The following ADCK1 variants were observed in gnomAD, a reference collection of about 807,000 sequenced individuals.
ADCK1 encodes the protein aarF domain containing kinase 1.
A neutral mutation model predicts 52.3 loss-of-function variants in ADCK1; 41 were observed. The ratio of observed to expected loss-of-function variants is 0.78; its 90% CI spans 0.61 to 1.02. The LOEUF is 1.02. ADCK1 is among the 50% of genes least tolerant of loss of function. The pLI is 0.00. For synonymous variants in ADCK1, 250 were observed against 274.6 expected (o/e 0.91, Z 0.89); for missense variants, 658 against 679.5 (o/e 0.97, Z 0.35).
At chr14:77,802,060 G>A (rs1778467841) in intron 1 of ADCK1, among the ~76,000 whole-genome samples, 1 of 151,888 alleles carries the variant, frequency 6.6e-6, no homozygotes, top group Non-Finnish European at 1.5e-5. Context: ...TCAGGGCCCA[G>A]CAAGCTGCTT....
At chr14:77,885,339 G>A (rs1240102560) in intron 4 of ADCK1, among the ~76,000 whole-genome samples, 1 of 152,146 alleles carries the variant, frequency 6.6e-6, no homozygotes, top group African/African-American at 2.4e-5. Flanking sequence ...CCAGACACTG[G>A]GAGAGACACA....
intron 3 of ADCK1, among the ~76,000 whole-genome samples, chr14:77,851,054 C>T (rs114608974): frequency 0.055 from 8,304 of 151,954 alleles, 250 homozygotes; most frequent in African/African-American, 0.074. Flanking sequence ...TGCATCAACT[C>T]CGTACATTTA....
chr14:77,863,472 A>G (rs1415558810), intron 4 of ADCK1, among the ~76,000 whole-genome samples: 1 of 152,052 alleles, frequency 6.6e-6, no homozygotes. Flanking sequence ...ACACACGCAC[A>G]CACACACACA....
At chr14:77,827,834 CTTT>C in intron 3 of ADCK1, 13 of 389,438 alleles carry the variant, frequency 3.3e-5, no homozygotes, top group East Asian at 1.7e-4. Flanking sequence ...TTTTAAAAGG[CTTT>C]TTTTTTTTTG....
chr14:77,918,053 G>T (rs1350070899), intron 7 of ADCK1, among the ~76,000 whole-genome samples: 1 of 152,198 alleles, frequency 6.6e-6, no homozygotes, highest in Non-Finnish European at 1.5e-5. Flanking sequence ...GGATGGCAGT[G>T]AGTGCTGAAT....
At chr14:77,907,095 G>A (rs996574955) in intron 6 of ADCK1, among the ~76,000 whole-genome samples, 2 of 152,010 alleles carry the variant, frequency 1.3e-5, no homozygotes, top group Non-Finnish European at 2.9e-5. Context: ...TGTATTTACT[G>A]TAGAGACAGG....
At chr14:77,863,747 G>A (rs2140148122) in intron 4 of ADCK1, among the ~76,000 whole-genome samples, 1 of 152,128 alleles carries the variant, frequency 6.6e-6, no homozygotes, top group African/African-American at 2.4e-5. Flanking sequence ...TGTGGCAGGA[G>A]AATCACTTGA....
chr14:77,857,159 A>G (rs1374303117), intron 3 of ADCK1, among the ~76,000 whole-genome samples: 4 of 152,124 alleles, frequency 2.6e-5, no homozygotes, highest in Middle Eastern at 3.4e-3. Flanking sequence ...TCTTCTGAGC[A>G]GCAGCGATCT....
intron 3 of ADCK1, among the ~76,000 whole-genome samples, chr14:77,837,068 G>A (rs1377206038): frequency 2.0e-5 from 3 of 151,984 alleles, no homozygotes; most frequent in East Asian, 3.9e-4. Flanking sequence ...GCCGTGCCTG[G>A]CCTACCTCTT....
At chr14:77,867,869 C>G (rs185740372) in intron 4 of ADCK1, among the ~76,000 whole-genome samples, 182 of 152,296 alleles carry the variant, frequency 1.2e-3, no homozygotes, top group African/African-American at 3.9e-3. Context: ...ATAAGAGAGC[C>G]TTCACATGAA....
intron 3 of ADCK1, among the ~76,000 whole-genome samples, chr14:77,841,315 G>A (rs920475065): frequency 6.6e-6 from 1 of 152,080 alleles, no homozygotes; most frequent in Non-Finnish European, 1.5e-5. Flanking sequence ...GGAACAACAC[G>A]GAACCCCATG....
chr14:77,932,850 C>T (rs985654148), intron 10 of ADCK1, among the ~76,000 whole-genome samples: 5 of 152,184 alleles, frequency 3.3e-5, no homozygotes, highest in Admixed American at 6.5e-5. Flanking sequence ...GATTCTTATC[C>T]TTAGAAAGTT....
chr14:77,921,326 C>CAAAAAAAAAAAAA lies in ADCK1; in HGVS notation c.859-3121_859-3109dup, dbSNP rs756056466. On this transcript the variant is annotated intron_variant, in intron 7 of 10. Transcript: ENST00000238561. Reference sequence around the variant, plus strand: ...TGGGCGACAGAGTGAGACTCTGTCTCAAAAAAAAAAAAAAAAAAAAAAGAA... The same window carrying CAAAAAAAAAAAAA: ...TGGGCGACAGAGTGAGACTCTGTCTCAAAAAAAAAAAAAAAAAAAAAAAAAAAAAAAAAAAGAA... Among the ~76,000 whole-genome samples, 169 of 41,200 alleles carry CAAAAAAAAAAAAA rather than the reference C, an allele frequency of 4.1e-3. 17 individuals carry two copies. Among genetic ancestry groups the CAAAAAAAAAAAAA allele is most frequent in the African/African-American group, 7.8e-3 (113 of 14,536 alleles). 27.0% of individuals were successfully genotyped at this position (41,200 alleles called of 152,430 possible).
chr14:77,820,415 C>T (rs1488813929), intron 2 of ADCK1, among the ~76,000 whole-genome samples: 1 of 140,094 alleles, frequency 7.1e-6, no homozygotes, highest in Non-Finnish European at 1.6e-5. Flanking sequence ...ACTGCAACCT[C>T]CACCTCCTGG....
chr14:77,866,935 G>A (rs1369192508), intron 4 of ADCK1, among the ~76,000 whole-genome samples: 1 of 152,182 alleles, frequency 6.6e-6, no homozygotes, highest in East Asian at 1.9e-4. Flanking sequence ...CCGCAGGGGA[G>A]AGATGCCTCC....
chr14:77,836,756 C>G (rs1019503376), intron 3 of ADCK1, among the ~76,000 whole-genome samples: 3 of 142,610 alleles, frequency 2.1e-5, no homozygotes, highest in African/African-American at 7.7e-5. Context: ...TCTCCTCTAC[C>G]TTTTCTTTCT....
chr14:77,867,554 T>C (rs945573763), intron 4 of ADCK1, among the ~76,000 whole-genome samples: 1 of 152,216 alleles, frequency 6.6e-6, no homozygotes, highest in Non-Finnish European at 1.5e-5. Context: ...AATTGCAATT[T>C]AACTAGTGGG....
chr14:77,883,756 A>G lies in ADCK1; in HGVS notation c.424-3335A>G, dbSNP rs538941186. 9.2e-5 allele frequency among the ~76,000 whole-genome samples: 14 copies of G among 152,252 alleles called. No homozygotes were observed. In the South Asian group the frequency reaches 2.5e-3, roughly 27 times the overall value. Reference sequence around the variant, plus strand: ...GTTTCCGGTGCCCAGTGAGGGGTGCATCCTCATTCCCCATGCCTATCTTTG... The same window carrying G: ...GTTTCCGGTGCCCAGTGAGGGGTGCGTCCTCATTCCCCATGCCTATCTTTG... On this transcript the variant is annotated intron_variant, in intron 4 of 10. Coordinates refer to ENST00000238561, the MANE Select transcript of ADCK1 (RefSeq NM_020421.4).
chr14:77,905,938 G>T (rs2083656648), intron 6 of ADCK1, among the ~76,000 whole-genome samples: 2 of 152,146 alleles, frequency 1.3e-5, no homozygotes. Flanking sequence ...TTTCTCTATT[G>T]GCCCAGATTT....
Sources: gnomAD v4.1 joint callset for allele counts (sites outside exome capture counted in the v4.1 genomes callset) on GRCh38, gnomAD v4.1.1 for gene constraint, MANE v1.5 for transcripts, NCBI Gene and HGNC (gene_info 2026-07-23, HGNC 2026-07-21) for gene names.